The following DCTN4 variants were observed in gnomAD, a reference collection of about 807,000 sequenced individuals.
DCTN4 encodes the protein dynactin 4 (p62).
In DCTN4, 23 loss-of-function variants were observed where a neutral mutation model predicts 62.7. That is an observed-to-expected ratio of 0.37 (90% confidence interval 0.26 to 0.52). The LOEUF (loss-of-function observed/expected upper bound fraction) is 0.52, where lower values mean the gene tolerates loss of function less well. Among genes scored for constraint, DCTN4 ranks in the 20% least tolerant of loss-of-function variants. The pLI is 0.92. For synonymous variants in DCTN4, 199 were observed against 202.1 expected (o/e 0.98, Z 0.13); for missense variants, 514 against 580.4 (o/e 0.89, Z 1.18).
At chr5:150,739,162 CAGAG>C (rs376623511) in intron 4 of DCTN4, among the ~76,000 whole-genome samples, 17 of 142,434 alleles carry the variant, frequency 1.2e-4, no homozygotes, top group African/African-American at 4.5e-4. Context: ...GTCTGGCTGA[CAGAG>C]AGAGATTTCA....
intron 8 of DCTN4, 68 bp from the exon 9 acceptor site, chr5:150,723,048 T>G (rs1760011580): frequency 6.0e-6 from 7 of 1,167,668 alleles, no homozygotes; most frequent in Middle Eastern, 2.0e-4. Context: ...ATAGAGCTGC[T>G]AAATTCAGAA....
In DCTN4 at chr5:150,751,374, T is replaced by C. The variant is rs114625092; in HGVS notation, c.385+2105A>G. Among the ~76,000 whole-genome samples the C allele has an allele frequency of 1.4e-3, 210 of 152,234 alleles. 1 individual carries two copies. Among genetic ancestry groups the C allele is most frequent in the Middle Eastern group, 0.014 (4 of 294 alleles). On this transcript the variant is annotated intron_variant, in intron 3 of 12. Transcript: ENST00000447998. Reference sequence around the variant, plus strand: ...AGCATAAGTTTATAGTTCTGAAATATAAATTCTCCAATCTTCATGACTCAT... The same window carrying C: ...AGCATAAGTTTATAGTTCTGAAATACAAATTCTCCAATCTTCATGACTCAT...
At chr5:150,724,366 T>C (rs993440672) in intron 8 of DCTN4, among the ~76,000 whole-genome samples, 1 of 152,208 alleles carries the variant, frequency 6.6e-6, no homozygotes, top group African/African-American at 2.4e-5. Context: ...GTTAATAATA[T>C]ACCTTGCAAA....
intron 10 of DCTN4, among the ~76,000 whole-genome samples, chr5:150,719,322 T>G (rs915122303): frequency 1.3e-5 from 2 of 151,630 alleles, no homozygotes; most frequent in African/African-American, 2.4e-5. Flanking sequence ...GGAAGGGGAG[T>G]AGATGAGGAC....
chr5:150,758,506 T>C, intron 1 of DCTN4: 1 of 1,004,388 alleles, frequency 1.0e-6, no homozygotes, highest in Non-Finnish European at 1.2e-6. Flanking sequence ...TCGCAATAAA[T>C]CCTGGAAAGG....
intron 8 of DCTN4, among the ~76,000 whole-genome samples, chr5:150,726,052 T>G (rs1414656630): frequency 6.6e-6 from 1 of 151,578 alleles, no homozygotes; most frequent in Non-Finnish European, 1.5e-5. Context: ...TTAAGCAGAA[T>G]TAAAAAAAAA....
intron 5 of DCTN4, among the ~76,000 whole-genome samples, chr5:150,732,626 A>G (rs1760429147): frequency 6.6e-6 from 1 of 152,222 alleles, no homozygotes; most frequent in Non-Finnish European, 1.5e-5. Flanking sequence ...TAATACATGT[A>G]AAGTGTTTAT....
At chr5:150,721,897 T>C (rs752125611) in intron 9 of DCTN4, among the ~76,000 whole-genome samples, 7 of 152,320 alleles carry the variant, frequency 4.6e-5, no homozygotes, top group Admixed American at 1.3e-4. Flanking sequence ...CAATCATAGC[T>C]TACTGCAGCC....
At chr5:150,741,420 C>T (rs1413984588) in intron 4 of DCTN4, among the ~76,000 whole-genome samples, 1 of 152,192 alleles carries the variant, frequency 6.6e-6, no homozygotes, top group Non-Finnish European at 1.5e-5. Context: ...AGCAATCCTC[C>T]TGCCTTAGCT....
At chr5:150,743,642 C>T (rs577668734) in intron 3 of DCTN4, among the ~76,000 whole-genome samples, 17 of 152,258 alleles carry the variant, frequency 1.1e-4, no homozygotes, top group East Asian at 9.6e-4. Flanking sequence ...TCGCGATTCA[C>T]GAAAATCTGT....
intron 3 of DCTN4, chr5:150,743,306 T>TA (rs151071290): frequency 0.016 from 2,443 of 155,866 alleles, 42 homozygotes; most frequent in East Asian, 0.063. Flanking sequence ...CTTGCTTAGG[T>TA]AAAAAAAAGC....
chr5:150,729,319 TCAC>T (rs1760272486), intron 8 of DCTN4, among the ~76,000 whole-genome samples: 1 of 152,060 alleles, frequency 6.6e-6, no homozygotes, highest in Admixed American at 6.6e-5. Context: ...TAGGTACCCA[TCAC>T]CCAACTTCAA....
At chr5:150,722,780 G>A (rs1030980026) in intron 9 of DCTN4, 127 bp downstream of exon 9, 2 of 638,112 alleles carry the variant, frequency 3.1e-6, no homozygotes, top group South Asian at 2.1e-5. Context: ...GGAACAGAAT[G>A]TCAAGATTAT....
intron 3 of DCTN4, among the ~76,000 whole-genome samples, chr5:150,752,529 T>C (rs576762958): frequency 5.8e-4 from 88 of 152,344 alleles, no homozygotes; most frequent in Non-Finnish European, 1.0e-3. Context: ...ATAAATGTTT[T>C]AAAATTGGTC....
At chr5:150,748,801 G>C (rs1193159898) in intron 3 of DCTN4, among the ~76,000 whole-genome samples, 5 of 105,322 alleles carry the variant, frequency 4.7e-5, no homozygotes, top group Admixed American at 1.1e-4. Flanking sequence ...GTGGGGGGAG[G>C]GGGGAGGGAT....
At position 150,711,213 on chromosome 5, in the gene DCTN4, T is replaced by C. The variant is rs150282795; in HGVS notation, c.1319A>G (p.Gln440Arg). Residue 440 changes from glutamine to arginine, a missense_variant, in exon 13 of 13, where the codon CAG becomes CGG. Physicochemically the swap from Gln to Arg is conservative, Grantham distance 43. Transcript: ENST00000447998. Reference protein sequence around the residue: ...APIRPIEESDQGTEVIWLTQH... With the variant: ...APIRPIEESDRGTEVIWLTQH... ...GGTGAGCCAGATGACTTCTGTTCCCTGGTCACTTTCTTCAATGGGGCGAAT... is the reference window on the plus strand; with the variant it reads ...GGTGAGCCAGATGACTTCTGTTCCCCGGTCACTTTCTTCAATGGGGCGAAT... The C allele has an allele frequency of 3.1e-5, 50 of 1,612,688 alleles. No individual in the cohort carries two copies. The highest frequency in any genetic ancestry group is 4.2e-5 in the Non-Finnish European group (50 of 1,180,040).
intron 12 of DCTN4, among the ~76,000 whole-genome samples, chr5:150,714,472 G>A (rs781161731): frequency 3.3e-5 from 5 of 152,030 alleles, no homozygotes; most frequent in African/African-American, 9.7e-5. Flanking sequence ...AGCCTACCGG[G>A]CTCAACTGAT....
chr5:150,758,298 C>T (rs1218290089), intron 1 of DCTN4: 4 of 985,566 alleles, frequency 4.1e-6, no homozygotes, highest in Non-Finnish European at 4.8e-6. Flanking sequence ...ACACTTTCAG[C>T]TTCTTACATG....
At chr5:150,733,877 C>G (rs1376050926) in intron 4 of DCTN4, 1 of 157,732 alleles carries the variant, frequency 6.3e-6, no homozygotes, top group Non-Finnish European at 1.4e-5. Flanking sequence ...ATTATAAAAG[C>G]AATACATATT....
Sources: allele counts gnomAD v4.1 joint callset (sites outside exome capture counted in the v4.1 genomes callset), GRCh38; gene constraint gnomAD v4.1.1; transcripts MANE v1.5; gene names NCBI Gene and HGNC (gene_info 2026-07-23, HGNC 2026-07-21).